OSBP2: variants seen among roughly 807,000 people sequenced by gnomAD.
OSBP2 encodes the protein oxysterol binding protein 2, also known as oxysterol-binding protein 2.
Under a neutral mutation model 96.0 loss-of-function variants are expected in OSBP2, and 66 were observed. The observed-to-expected ratio is 0.69, with a 90% CI of 0.56 to 0.84. The LOEUF is 0.84. Among genes scored for constraint, OSBP2 ranks in the 40% least tolerant of loss-of-function variants. The pLI is 0.00. For missense variants in OSBP2, 1,038 were observed against 1,222.7 expected (o/e 0.85, Z 2.25); for synonymous variants, 525 against 520.9 (o/e 1.01, Z -0.11).
rs1185223260 is a variant in OSBP2 at position 30,733,982 on chromosome 22, A to T, written c.645-7179A>T. 2.0e-5 allele frequency among the ~76,000 whole-genome samples: 3 copies of T among 149,314 alleles called. No homozygotes were observed. The East Asian group carries it at 5.9e-4, about 29-fold the overall frequency. On this transcript the variant is annotated intron_variant, in intron 1 of 13. Transcript: ENST00000332585. ...TAAAAGTGGCAGAAAATACATTATCATTTTTTTTTTGAGACGGAGTTTAGC... is the reference window on the plus strand; with the variant it reads ...TAAAAGTGGCAGAAAATACATTATCTTTTTTTTTTTGAGACGGAGTTTAGC...
intron 2 of OSBP2, among the ~76,000 whole-genome samples, chr22:30,781,005 C>T (rs1473501612): frequency 5.3e-5 from 8 of 150,948 alleles, no homozygotes; most frequent in Admixed American, 2.7e-4. Flanking sequence ...GACGGAGTTT[C>T]GCTGTTGTCA....
intron 2 of OSBP2, among the ~76,000 whole-genome samples, chr22:30,752,532 C>T (rs868096884): frequency 7.9e-5 from 12 of 151,942 alleles, no homozygotes; most frequent in Middle Eastern, 3.4e-3. Flanking sequence ...CCTTGTGATC[C>T]GCCTGCCTTG....
In OSBP2 at chr22:30,741,724, G is replaced by A. The variant is rs530804464; in HGVS notation, c.853+355G>A. ...AGCCGTTTCCCCAGGTTCCCCCATC[G>A]TGGAGAGTGAAACCATTTAGCCAGA... On this transcript the variant is annotated intron_variant, in intron 2 of 13. Transcript: ENST00000332585. Among the ~76,000 whole-genome samples the A allele has an allele frequency of 2.6e-5, 4 of 152,282 alleles. No homozygotes were observed. The South Asian group carries it at 6.2e-4, about 24-fold the overall frequency.
chr22:30,886,193 A>C (rs1337768898), intron 3 of OSBP2, among the ~76,000 whole-genome samples: 1 of 152,272 alleles, frequency 6.6e-6, no homozygotes, highest in Non-Finnish European at 1.5e-5. Flanking sequence ...GGCATGAGGC[A>C]GCAATCAAAT....
At chr22:30,717,090 T>TTGTGTGTGTGTGTG (rs35377469) in intron 1 of OSBP2, among the ~76,000 whole-genome samples, 41 of 118,412 alleles carry the variant, frequency 3.5e-4, no homozygotes, top group African/African-American at 7.0e-4. Flanking sequence ...TTTACTGTTT[T>TTGTGTGTGTGTGTG]TGTGTGTGTG....
In OSBP2 at chr22:30,870,790, C is replaced by T. The variant is rs4820909; in HGVS notation, c.1107+108C>T. 360 of 1,179,326 alleles carry T rather than the reference C, an allele frequency of 3.1e-4. No homozygotes were observed. Among genetic ancestry groups the T allele is most frequent in the South Asian group, 1.0e-3 (68 of 67,672 alleles). The allele number at this position is 1,179,326 out of a possible 1,614,324, so 73.1% of individuals were successfully genotyped here. On this transcript the variant is annotated intron_variant, in intron 3 of 13. Coordinates refer to ENST00000332585, the MANE Select transcript of OSBP2 (RefSeq NM_030758.4). This position sits in a 1 kb window ranked among gnomAD's most constrained non-coding sequence, Gnocchi z 4.1. ...TGAAGGGTCAGCGTTCCATTTCCTG[C>T]GGTTCCACGGTGTTTCCCAAAGCCA...
At chr22:30,906,118 G>A (rs773451291) in intron 13 of OSBP2, 49 bp downstream of exon 13, 4 of 1,605,982 alleles carry the variant, frequency 2.5e-6, no homozygotes, top group African/African-American at 1.3e-5. Context: ...AGGGGTGCCC[G>A]GGTGGGGGTG....
At chr22:30,711,940 C>G (rs2089360541) in intron 1 of OSBP2, among the ~76,000 whole-genome samples, 1 of 151,982 alleles carries the variant, frequency 6.6e-6, no homozygotes, top group African/African-American at 2.4e-5. Context: ...GACTTTGTCA[C>G]TTTATTCAGC....
intron 2 of OSBP2, among the ~76,000 whole-genome samples, chr22:30,812,891 T>C (rs942404502): frequency 5.3e-5 from 8 of 152,194 alleles, no homozygotes; most frequent in Non-Finnish European, 8.8e-5. Context: ...TATTTACCCA[T>C]CGTGTGTATT....
intron 2 of OSBP2, among the ~76,000 whole-genome samples, chr22:30,816,655 G>A (rs1411604202): frequency 1.3e-5 from 2 of 152,210 alleles, no homozygotes; most frequent in African/African-American, 4.8e-5. Context: ...CAGAGGGCAC[G>A]TGTGGACAGT....
At chr22:30,778,335 C>CACA (rs1569119589) in intron 2 of OSBP2, among the ~76,000 whole-genome samples, 3 of 100,616 alleles carry the variant, frequency 3.0e-5, no homozygotes, top group South Asian at 2.9e-4. Flanking sequence ...ACACACACAC[C>CACA]CACTGACAGC....
chr22:30,855,704 C>G (rs1385661949), intron 2 of OSBP2, among the ~76,000 whole-genome samples: 1 of 152,150 alleles, frequency 6.6e-6, no homozygotes, highest in Non-Finnish European at 1.5e-5. Context: ...CGCTAGTAGG[C>G]CTGGGGCAAG....
rs537249543 is a variant in OSBP2 at position 30,906,635 on chromosome 22, G to A, written c.*296G>A. Reference sequence around the variant, plus strand: ...TACCACAACTCAGGCCGGCTGGCCCGGGCCATGGGCTGCGCAAATCACCAG... The same window carrying A: ...TACCACAACTCAGGCCGGCTGGCCCAGGCCATGGGCTGCGCAAATCACCAG... On this transcript the variant is annotated 3_prime_UTR_variant, in exon 14 of 14. Coordinates refer to ENST00000332585, the MANE Select transcript of OSBP2 (RefSeq NM_030758.4). 2.7e-5 allele frequency: 8 copies of A among 294,316 alleles called. No individual in the cohort carries two copies. The highest frequency in any genetic ancestry group is 1.8e-4 in the East Asian group (3 of 16,866). The allele number at this position is 294,316 out of a possible 1,614,324, so 18.2% of individuals were successfully genotyped here. A position where few individuals can be genotyped will look rare whatever the true frequency, so the allele number is the denominator to read the frequency against.
At chr22:30,773,593 C>T (rs993223320) in intron 2 of OSBP2, among the ~76,000 whole-genome samples, 2 of 151,996 alleles carry the variant, frequency 1.3e-5, no homozygotes, top group East Asian at 1.9e-4. Flanking sequence ...TAGACATGCT[C>T]GAATTATTTG....
chr22:30,742,558 A>T (rs1387470097), intron 2 of OSBP2, among the ~76,000 whole-genome samples: 3 of 152,214 alleles, frequency 2.0e-5, no homozygotes, highest in African/African-American at 7.2e-5. Context: ...GTATCTTCAC[A>T]TGTATATTCA....
At chr22:30,850,746 G>T (rs183180076) in intron 2 of OSBP2, among the ~76,000 whole-genome samples, 1 of 152,102 alleles carries the variant, frequency 6.6e-6, no homozygotes. Flanking sequence ...TGATCCACCC[G>T]CCTGGGCCTC....
chr22:30,768,692 A>G (rs984182076), intron 2 of OSBP2, among the ~76,000 whole-genome samples: 1 of 151,904 alleles, frequency 6.6e-6, no homozygotes, highest in Non-Finnish European at 1.5e-5. Flanking sequence ...AAAAAAAAAC[A>G]AAAACAAAAA....
At chr22:30,859,379 A>C (rs190613262) in intron 2 of OSBP2, among the ~76,000 whole-genome samples, 1 of 152,352 alleles carries the variant, frequency 6.6e-6, no homozygotes, top group East Asian at 1.9e-4. Flanking sequence ...GGAAATGCTC[A>C]CATAGGTGGG....
intron 2 of OSBP2, among the ~76,000 whole-genome samples, chr22:30,809,714 C>T (rs976090911): frequency 6.6e-6 from 1 of 152,144 alleles, no homozygotes; most frequent in Non-Finnish European, 1.5e-5. Flanking sequence ...ATGGTAATTT[C>T]AGTAAATTGT....
Sources: gnomAD v4.1 joint callset for allele counts (sites outside exome capture counted in the v4.1 genomes callset) on GRCh38, gnomAD v4.1.1 for gene constraint, Gnocchi (gnomAD v3.1) non-coding constraint, MANE v1.5 for transcripts, NCBI Gene and HGNC (gene_info 2026-07-23, HGNC 2026-07-21) for gene names.